The following LRMDA variants were observed in gnomAD, a reference collection of about 807,000 sequenced individuals.
LRMDA encodes leucine rich melanocyte differentiation associated.
In LRMDA, 18 loss-of-function variants were observed where a neutral mutation model predicts 29.8. The observed-to-expected ratio is 0.60, with a 90% confidence interval of 0.42 to 0.90. LRMDA has a LOEUF of 0.90. Ranked by LOEUF, LRMDA falls within the 40% of genes least tolerant of loss-of-function variation. The probability of loss-of-function intolerance (pLI) is 0.00; values close to 1 mark genes in which losing one functional copy is unlikely to be tolerated. For synonymous variants in LRMDA, 125 were observed against 109.4 expected (o/e 1.14, Z -0.89); for missense variants, 273 against 273.9 (o/e 1.00, Z 0.02).
At chr10:75,745,993 TCTCACTAGAAATGTTAAC>T (rs1842885903) in intron 2 of LRMDA, among the ~76,000 whole-genome samples, 2 of 152,220 alleles carry the variant, frequency 1.3e-5, no homozygotes, top group African/African-American at 2.4e-5. Flanking sequence ...CAGCCTGGCT[TCTCACTAGAAATGTTAAC>T]CTCAACTACT....
chr10:76,442,140 T>A, intron 6 of LRMDA, among the ~76,000 whole-genome samples: 1 of 152,206 alleles, frequency 6.6e-6, no homozygotes, highest in East Asian at 1.9e-4. Context: ...TGAAAATATG[T>A]CTAGTTTGGC....
intron 5 of LRMDA, among the ~76,000 whole-genome samples, chr10:76,132,383 C>T (rs566380807): frequency 1.3e-5 from 2 of 152,178 alleles, no homozygotes; most frequent in East Asian, 3.9e-4. Context: ...CAGCTCATTT[C>T]CTTGTAGAAA....
intron 5 of LRMDA, among the ~76,000 whole-genome samples, chr10:76,201,744 C>T (rs1851435203): frequency 1.3e-5 from 2 of 152,318 alleles, no homozygotes; most frequent in African/African-American, 4.8e-5. Flanking sequence ...CTATGTAAAA[C>T]TGGTGCCGAT....
chr10:76,234,542 C>G (rs892345326), intron 5 of LRMDA, among the ~76,000 whole-genome samples: 7 of 152,176 alleles, frequency 4.6e-5, no homozygotes, highest in Non-Finnish European at 8.8e-5. Context: ...GCTATAAAAG[C>G]CCCAAATGGC....
intron 2 of LRMDA, among the ~76,000 whole-genome samples, chr10:75,717,384 G>T (rs1489026248): frequency 2.0e-5 from 3 of 152,210 alleles, no homozygotes; most frequent in Non-Finnish European, 2.9e-5. Context: ...GGTAAATCAG[G>T]CTTCCTGGGG....
At chr10:75,986,584 T>A (rs1298920079) in intron 2 of LRMDA, among the ~76,000 whole-genome samples, 1 of 152,226 alleles carries the variant, frequency 6.6e-6, no homozygotes, top group Non-Finnish European at 1.5e-5. Context: ...GACACTAGTA[T>A]AGTATTGAAC....
intron 6 of LRMDA, among the ~76,000 whole-genome samples, chr10:76,480,233 C>T (rs577557336): frequency 1.3e-4 from 19 of 151,982 alleles, no homozygotes; most frequent in African/African-American, 4.6e-4. Context: ...TTAGGCCTCA[C>T]TGGAAGAATT....
chr10:75,782,925 C>T, intron 2 of LRMDA: 1 of 1,612,106 alleles, frequency 6.2e-7, no homozygotes, highest in Non-Finnish European at 8.5e-7. Flanking sequence ...GTGGCATCTG[C>T]TCAGTGTAGC....
intron 3 of LRMDA, among the ~76,000 whole-genome samples, chr10:76,046,065 C>T (rs1342098630): frequency 6.6e-6 from 1 of 152,176 alleles, no homozygotes; most frequent in African/African-American, 2.4e-5. Flanking sequence ...TTCTTCTACC[C>T]TTGTATGTTT....
chr10:75,771,859 A>G (rs1194057244), intron 2 of LRMDA, among the ~76,000 whole-genome samples: 1 of 152,094 alleles, frequency 6.6e-6, no homozygotes, highest in East Asian at 1.9e-4. Flanking sequence ...AGACTGGGAG[A>G]GGGATTCAGC....
Position 75,890,245 on chromosome 10 carries a change from A to T in LRMDA, c.132-145763A>T, listed in dbSNP as rs553114471. 4.6e-5 allele frequency among the ~76,000 whole-genome samples: 7 copies of T among 152,286 alleles called. No individual in the cohort carries two copies. In the South Asian group the frequency reaches 1.4e-3, roughly 32 times the overall value. On this transcript the variant is annotated intron_variant, in intron 2 of 6. Transcript: ENST00000611255. ...CATTGGAAAATCTGTCAAAGTCAAA[A>T]ATTCATAAGTATATTTAAAGATTTA...
intron 2 of LRMDA, among the ~76,000 whole-genome samples, chr10:75,937,459 C>T (rs555713875): frequency 4.6e-5 from 7 of 152,292 alleles, no homozygotes; most frequent in South Asian, 4.1e-4. Flanking sequence ...ACCACTGGCA[C>T]GTGGCTGTTT....
intron 2 of LRMDA, among the ~76,000 whole-genome samples, chr10:75,543,325 C>T (rs905235191): frequency 4.6e-5 from 7 of 152,172 alleles, no homozygotes; most frequent in Non-Finnish European, 1.0e-4. Flanking sequence ...ATTATATAAG[C>T]CCTGTAGTGC....
At chr10:75,493,282 G>A (rs541803109) in intron 2 of LRMDA, among the ~76,000 whole-genome samples, 1 of 151,752 alleles carries the variant, frequency 6.6e-6, no homozygotes, top group Non-Finnish European at 1.5e-5. Context: ...GGAAGTGAGC[G>A]GAATTCTTAC....
intron 5 of LRMDA, among the ~76,000 whole-genome samples, chr10:76,240,476 T>TA (rs1852253351): frequency 5.5e-5 from 8 of 145,938 alleles, no homozygotes; most frequent in African/African-American, 2.1e-4. Flanking sequence ...TATGTTATAT[T>TA]TATATATGTT....
intron 2 of LRMDA, among the ~76,000 whole-genome samples, chr10:75,607,448 AT>A (rs1321791212): frequency 6.6e-6 from 1 of 152,068 alleles, no homozygotes; most frequent in Non-Finnish European, 1.5e-5. Context: ...GTAATACTGT[AT>A]TTCTTTGGAT....
intron 2 of LRMDA, among the ~76,000 whole-genome samples, chr10:75,583,585 T>C (rs1257282488): frequency 6.6e-6 from 1 of 152,184 alleles, no homozygotes; most frequent in Non-Finnish European, 1.5e-5. Flanking sequence ...ACCTCCAGTA[T>C]TGGGGATTAC....
At chr10:75,644,303 C>T (rs1564529457) in intron 2 of LRMDA, among the ~76,000 whole-genome samples, 1 of 152,270 alleles carries the variant, frequency 6.6e-6, no homozygotes. Flanking sequence ...AGGAAGGCAT[C>T]ACAATTAAGG....
intron 5 of LRMDA, among the ~76,000 whole-genome samples, chr10:76,154,396 C>T (rs112792881): frequency 1.3e-5 from 2 of 152,278 alleles, no homozygotes; most frequent in African/African-American, 4.8e-5. Context: ...ACAATTAGAG[C>T]ATCTAGACCA....
Sources: gnomAD v4.1 joint callset for allele counts (sites outside exome capture counted in the v4.1 genomes callset) on GRCh38, gnomAD v4.1.1 for gene constraint, MANE v1.5 for transcripts, NCBI Gene and HGNC (gene_info 2026-07-23, HGNC 2026-07-21) for gene names.